Variants in CUL1 observed in about 807,000 individuals in gnomAD.
The protein encoded by CUL1 is cullin 1.
CUL1 carries 24 observed loss-of-function variants against 118.0 expected under a neutral mutation model. The ratio of observed to expected loss-of-function variants is 0.20; its 90% CI spans 0.15 to 0.29. The LOEUF is 0.29. Among genes scored for constraint, CUL1 ranks in the 10% least tolerant of loss-of-function variants. The probability of loss-of-function intolerance (pLI) is 1.00; values close to 1 mark genes in which losing one functional copy is unlikely to be tolerated. For synonymous variants in CUL1, 332 were observed against 340.4 expected (o/e 0.98, Z 0.27); for missense variants, 361 against 933.8 (o/e 0.39, Z 7.99).
intron 2 of CUL1, among the ~76,000 whole-genome samples, chr7:148,731,887 T>A (rs543631146): frequency 2.0e-5 from 3 of 152,334 alleles, no homozygotes; most frequent in African/African-American, 7.2e-5. Flanking sequence ...CTCAGTTGTA[T>A]AGCTAGTCTA....
chr7:148,778,836 G>T (rs3807447), intron 9 of CUL1, among the ~76,000 whole-genome samples: 9,833 of 152,306 alleles, frequency 0.065, 414 homozygotes, highest in East Asian at 0.16. Context: ...CGGACTGTCA[G>T]ATCTGTCCCC....
At chr7:148,756,028 A>T (rs575438061) in intron 3 of CUL1, among the ~76,000 whole-genome samples, 2 of 152,196 alleles carry the variant, frequency 1.3e-5, no homozygotes, top group Non-Finnish European at 2.9e-5. Context: ...CAGTACCATT[A>T]ACGTTTTTAA....
intron 1 of CUL1, among the ~76,000 whole-genome samples, chr7:148,707,539 G>A (rs1314627540): frequency 1.3e-5 from 2 of 151,576 alleles, no homozygotes; most frequent in East Asian, 1.9e-4. Context: ...CCACAGGTTC[G>A]TTACATAGGT....
rs1245863582 is a variant in CUL1, at chr7:148,800,590, G to A, written c.*8G>A. The A allele has an allele frequency of 6.3e-7, 1 of 1,593,466 alleles. No homozygotes were observed. Among genetic ancestry groups the A allele is most frequent in the South Asian group, 1.1e-5 (1 of 90,646 alleles). On this transcript the variant is annotated 3_prime_UTR_variant, in exon 22 of 22. Coordinates refer to ENST00000325222, the MANE Select transcript of CUL1 (RefSeq NM_003592.3). The surrounding 1 kb of genome is among the most constrained non-coding windows in gnomAD (Gnocchi z 4.6). The stretch of plus-strand genomic sequence containing the variant: ...TACAGTTACTTGGCTTAACCCTTCT[G>A]GAAGGGTCTGACTGTGTGACCCGCA...
At chr7:148,763,138 C>A (rs1799891154) in intron 7 of CUL1, among the ~76,000 whole-genome samples, 1 of 151,450 alleles carries the variant, frequency 6.6e-6, no homozygotes, top group Admixed American at 6.6e-5. Context: ...CAGAGTGAGA[C>A]TCTGTCTCAA....
intron 13 of CUL1, among the ~76,000 whole-genome samples, chr7:148,788,321 A>G (rs888756856): frequency 3.9e-5 from 6 of 152,214 alleles, no homozygotes; most frequent in African/African-American, 1.4e-4. Context: ...CAAATTGTGT[A>G]TGAATTGTGT....
intron 17 of CUL1, among the ~76,000 whole-genome samples, chr7:148,797,150 C>CGCCT (rs1801228376): frequency 6.6e-6 from 1 of 152,002 alleles, no homozygotes. Flanking sequence ...TTGACAAGGT[C>CGCCT]GCCTGCCGCT....
intron 1 of CUL1, among the ~76,000 whole-genome samples, chr7:148,724,786 G>A (rs1641111069): frequency 1.3e-5 from 2 of 152,128 alleles, no homozygotes; most frequent in East Asian, 1.9e-4. Flanking sequence ...CGATGCCAAG[G>A]ATCTCCTATA....
intron 1 of CUL1, among the ~76,000 whole-genome samples, chr7:148,704,634 T>G (rs1405726751): frequency 1.3e-5 from 2 of 152,234 alleles, no homozygotes; most frequent in Non-Finnish European, 2.9e-5. Context: ...ATACTGTATT[T>G]AATGAACATT....
chr7:148,765,845 C>T (rs1469922552), intron 7 of CUL1, among the ~76,000 whole-genome samples: 1 of 152,130 alleles, frequency 6.6e-6, no homozygotes, highest in Non-Finnish European at 1.5e-5. Context: ...TTGTGTGACT[C>T]TTGGCTTCAA....
chr7:148,748,458 A>C (rs1471958379), intron 2 of CUL1, among the ~76,000 whole-genome samples: 1 of 152,226 alleles, frequency 6.6e-6, no homozygotes, highest in Admixed American at 6.5e-5. Flanking sequence ...TAATCATAAA[A>C]GGTACAGGTT....
intron 4 of CUL1, among the ~76,000 whole-genome samples, chr7:148,758,424 G>A (rs1799729345): frequency 1.3e-5 from 2 of 152,108 alleles, no homozygotes; most frequent in African/African-American, 4.8e-5. Flanking sequence ...TTGGGAGACC[G>A]AGGCAGGAGA....
rs778333921 is a variant in CUL1, at chr7:148,783,854, C to G, written c.1155C>G (p.Phe385Leu). The change falls in exon 10 of 22, where the codon TTC becomes TTG. Residue 385 changes from phenylalanine (F) to leucine (L), a missense_variant. Physicochemically the swap from Phe to Leu is conservative, Grantham distance 22. Coordinates refer to ENST00000325222, the MANE Select transcript of CUL1 (RefSeq NM_003592.3). ...ACAATGCCCTGGTAATGTCTGCATT[C>G]AACAATGACGCTGGCTTTGTGGCTG... ...KKYNALVMSA[F>L]NNDAGFVAAL... The G allele has an allele frequency of 6.2e-7, 1 of 1,614,192 alleles. No homozygotes were observed.
chr7:148,799,463 T>C (rs1801316631), intron 21 of CUL1, 75 bp downstream of exon 21: 2 of 1,000,870 alleles, frequency 2.0e-6, no homozygotes, highest in Admixed American at 4.1e-5. Context: ...AGTGGATTGA[T>C]TGCTGTAGCA....
At position 148,768,677 on chromosome 7, in the gene CUL1, G is replaced by A. The variant is rs368666416; in HGVS notation, c.1083+928G>A. ...TGAGATTACAGGCGTGAGTCGTCACGTGCGGCCGAGAAGAAAAGTTTCTAA... is the reference window on the plus strand; with the variant it reads ...TGAGATTACAGGCGTGAGTCGTCACATGCGGCCGAGAAGAAAAGTTTCTAA... On this transcript the variant is annotated intron_variant, in intron 9 of 21. Coordinates refer to ENST00000325222, the MANE Select transcript of CUL1 (RefSeq NM_003592.3). Among the ~76,000 whole-genome samples the A allele has an allele frequency of 2.6e-5, 4 of 152,140 alleles. No homozygotes were observed. In the East Asian group the frequency reaches 5.8e-4, roughly 22 times the overall value.
upstream of CUL1, chr7:148,698,130 T>A (rs1040902060): frequency 6.6e-6 from 1 of 152,202 alleles, no homozygotes; most frequent in Non-Finnish European, 1.5e-5. Context: ...AGCCGATTCC[T>A]AAGGCCTTGC....
rs183371799 is a variant in CUL1 at position 148,731,137 on chromosome 7, T to A, written c.140+875T>A. ...CTGTGTGCCACAAAGGTGATGAGGG[T>A]GGAAAAGATGCGGCTCCCACTATTC... is the stretch of plus-strand genomic sequence containing the variant. On this transcript the variant is annotated intron_variant, in intron 2 of 21. Coordinates refer to ENST00000325222, the MANE Select transcript of CUL1 (RefSeq NM_003592.3). Among the ~76,000 whole-genome samples the A allele has an allele frequency of 7.2e-3, 1,090 of 152,254 alleles. 5 individuals are homozygous for A. The highest frequency in any genetic ancestry group is 0.012 in the Non-Finnish European group (809 of 68,018).
At position 148,757,196 on chromosome 7, in the gene CUL1, T is replaced by C. The variant is rs1189178382; in HGVS notation, c.483+46T>C. 5 of 1,269,486 alleles carry C rather than the reference T, an allele frequency of 3.9e-6. No homozygotes were observed. In the African/African-American group the frequency reaches 7.7e-5, roughly 19 times the overall value. 78.6% of individuals were successfully genotyped at this position (1,269,486 alleles called of 1,614,324 possible). A position where few individuals can be genotyped will look rare whatever the true frequency, so the allele number is the denominator to read the frequency against. On this transcript the variant is annotated intron_variant, in intron 4 of 21. Transcript: ENST00000325222. ...CGTTTTAAATTTGTTTTTGTTTTTG[T>C]TTTTTTTAATGGCAAATTGTCTTTC... is the stretch of plus-strand genomic sequence containing the variant.
intron 2 of CUL1, among the ~76,000 whole-genome samples, chr7:148,731,150 G>A (rs1193550993): frequency 6.6e-6 from 1 of 152,214 alleles, no homozygotes; most frequent in African/African-American, 2.4e-5. Flanking sequence ...AAAAGATGCG[G>A]CTCCCACTAT....
Sources: gnomAD v4.1 joint callset for allele counts (sites outside exome capture counted in the v4.1 genomes callset) on GRCh38, gnomAD v4.1.1 for gene constraint, Gnocchi (gnomAD v3.1) non-coding constraint, MANE v1.5 for transcripts, NCBI Gene and HGNC (gene_info 2026-07-23, HGNC 2026-07-21) for gene names.